Variants in FMO2 observed in about 807,000 individuals in gnomAD.
FMO2 encodes the protein flavin-containing monooxygenase 2.
Under a neutral mutation model 41.6 loss-of-function variants are expected in FMO2, and 33 were observed. The ratio of observed to expected loss-of-function variants is 0.79; its 90% CI spans 0.60 to 1.06. The LOEUF (loss-of-function observed/expected upper bound fraction) is 1.06. FMO2 is among the 50% of genes least tolerant of loss of function. The probability of loss-of-function intolerance (pLI) is 0.00; values close to 1 mark genes in which losing one functional copy is unlikely to be tolerated. For missense variants in FMO2, 619 were observed against 632.9 expected (o/e 0.98, Z 0.23); for synonymous variants, 214 against 219.6 (o/e 0.97, Z 0.23).
intron 3 of FMO2, among the ~76,000 whole-genome samples, chr1:171,196,383 C>G (rs561784063): frequency 1.2e-4 from 18 of 152,316 alleles, no homozygotes; most frequent in African/African-American, 4.3e-4. Context: ...ATCAGGCACA[C>G]ATCATGAGAA....
chr1:171,200,512 A>G (rs1168331564), intron 5 of FMO2, among the ~76,000 whole-genome samples: 1 of 152,116 alleles, frequency 6.6e-6, no homozygotes, highest in Admixed American at 6.6e-5. Flanking sequence ...GTGCACAACC[A>G]ACAAATCATT....
At position 171,199,499 on chromosome 1, in the gene FMO2, C is replaced by A; in HGVS notation, c.627+11C>A. 1 of 1,589,098 alleles carries A rather than the reference C, an allele frequency of 6.3e-7. No homozygotes were observed. Among genetic ancestry groups the A allele is most frequent in the East Asian group, 2.3e-5 (1 of 43,198 alleles). ...AAGAATGCTGCTCAGGTGTGATGCT[C>A]TCTGCTTACCATGTACCTGGAGGGG... On this transcript the variant is annotated intron_variant, in intron 5 of 8. Transcript: ENST00000209929.
chr1:171,199,489 G>T lies in FMO2; in HGVS notation c.627+1G>T. The T allele has an allele frequency of 6.2e-7, 1 of 1,604,522 alleles. No individual in the cohort carries two copies. Among genetic ancestry groups the T allele is most frequent in the Non-Finnish European group, 8.5e-7 (1 of 1,176,096 alleles). ...TGAGCTGAGTAAGAATGCTGCTCAG[G>T]TGTGATGCTCTCTGCTTACCATGTA... On this transcript the variant is annotated splice_donor_variant, in intron 5 of 8. Coordinates refer to ENST00000209929, the MANE Select transcript of FMO2 (RefSeq NM_001460.5). LOFTEE classifies it high-confidence loss of function.
At position 171,203,258 on chromosome 1, in the gene FMO2, G is replaced by A. The variant is rs185740744; in HGVS notation, c.628-607G>A. Reference sequence around the variant, plus strand: ...GAGGATCACTTGAGCCTGGGAGGTCGAGACTGCAATGAGCTATGACTGCAC... The same window carrying A: ...GAGGATCACTTGAGCCTGGGAGGTCAAGACTGCAATGAGCTATGACTGCAC... On this transcript the variant is annotated intron_variant, in intron 5 of 8. Coordinates refer to ENST00000209929, the MANE Select transcript of FMO2 (RefSeq NM_001460.5). 1.2e-3 allele frequency among the ~76,000 whole-genome samples: 187 copies of A among 151,882 alleles called. 1 individual carries two copies. The Middle Eastern group carries it at 0.031, about 25-fold the overall frequency.
At chr1:171,188,869 T>A (rs28369818) in intron 2 of FMO2, 10,918 of 152,200 alleles carry the variant, frequency 0.072, 440 homozygotes, top group Middle Eastern at 0.13. Flanking sequence ...ATATGGACCA[T>A]GGGACGGGTA....
chr1:171,205,557 T>C lies in FMO2; in HGVS notation c.1106T>C (p.Ile369Thr). 6.2e-7 allele frequency: 1 copy of C among 1,613,878 alleles called. No individual in the cohort carries two copies. Among genetic ancestry groups the C allele is most frequent in the South Asian group, 1.1e-5 (1 of 91,068 alleles). ...CTGGACAAGTCAACCCTCGCGTGCA[T>C]TGGTCTCATCCAGCCCCTAGGTTCC... ...AHLDKSTLAC[I>T]GLIQPLGSIF... is the part of the protein sequence containing the mutation. Residue 369 changes from isoleucine to threonine, a missense_variant, in exon 7 of 9, where the codon ATT becomes ACT. Physicochemically the swap from Ile to Thr is moderately conservative, Grantham distance 89 (BLOSUM62 -1). Coordinates refer to ENST00000209929, the MANE Select transcript of FMO2 (RefSeq NM_001460.5).
intron 2 of FMO2, among the ~76,000 whole-genome samples, chr1:171,190,873 C>A (rs369562899): frequency 6.6e-6 from 1 of 152,128 alleles, no homozygotes; most frequent in African/African-American, 2.4e-5. Context: ...TGGCTGGGCG[C>A]GGTGGCTCAC....
chr1:171,193,427 T>C lies in FMO2; in HGVS notation c.225T>C (p.Pro75=). 1 of 1,612,010 alleles carries C rather than the reference T, an allele frequency of 6.2e-7. No individual in the cohort carries two copies. The highest frequency in any genetic ancestry group is 8.5e-7 in the Non-Finnish European group (1 of 1,178,200). Reference sequence around the variant, plus strand: ...CCTGTTTCAGTGACTTTCCAATGCCTGAAGATTTTCCAAACTTCCTGCATA... The same window carrying C: ...CCTGTTTCAGTGACTTTCCAATGCCCGAAGATTTTCCAAACTTCCTGCATA... ...EMSCFSDFPM[P]EDFPNFLHNS... Residue 75 remains proline, a synonymous_variant, in exon 3 of 9, where the codon CCT becomes CCC. Transcript: ENST00000209929.
Position 171,211,711 on chromosome 1 carries a change from A to G in FMO2, c.*2566A>G, listed in dbSNP as rs1359930311. Among the ~76,000 whole-genome samples the G allele has an allele frequency of 6.6e-6, 1 of 152,192 alleles. No homozygotes were observed. The highest frequency in any genetic ancestry group is 2.4e-5 in the African/African-American group (1 of 41,450). ...TCAGTCTATCCTTCTGCCTCCATATATCCTGAACATCAAACTATCCCAGGA... is the reference window on the plus strand; with the variant it reads ...TCAGTCTATCCTTCTGCCTCCATATGTCCTGAACATCAAACTATCCCAGGA... On this transcript the variant is annotated 3_prime_UTR_variant, in exon 9 of 9. Coordinates refer to ENST00000209929, the MANE Select transcript of FMO2 (RefSeq NM_001460.5).
Position 171,189,209 on chromosome 1 carries a change from T to C in FMO2, c.132+3364T>C, listed in dbSNP as rs1460302585. Among the ~76,000 whole-genome samples, 8 of 129,954 alleles carry C rather than the reference T, an allele frequency of 6.2e-5. No homozygotes were observed. In the East Asian group the frequency reaches 2.3e-3, roughly 37 times the overall value. 85.3% of individuals were successfully genotyped at this position (129,954 alleles called of 152,430 possible). On this transcript the variant is annotated intron_variant, in intron 2 of 8. Transcript: ENST00000209929. ...TTGTATTCACGTGGGAGTTACCATGTACATTTTTTTTCCTGTGGGTTTTCT... is the reference window on the plus strand; with the variant it reads ...TTGTATTCACGTGGGAGTTACCATGCACATTTTTTTTCCTGTGGGTTTTCT...
intron 5 of FMO2, among the ~76,000 whole-genome samples, chr1:171,202,964 A>G (rs1269768679): frequency 6.6e-6 from 1 of 152,174 alleles, no homozygotes; most frequent in African/African-American, 2.4e-5. Flanking sequence ...ATCTTAATAA[A>G]CAAGGTAAAG....
At chr1:171,194,414 A>AT (rs1307189730) in intron 3 of FMO2, among the ~76,000 whole-genome samples, 2 of 152,202 alleles carry the variant, frequency 1.3e-5, no homozygotes, top group Admixed American at 1.3e-4. Context: ...ATTTTTATCA[A>AT]TGGTCTATAC....
In FMO2 at chr1:171,209,657, G is replaced by C. The variant is rs1380384786; in HGVS notation, c.*512G>C. On this transcript the variant is annotated 3_prime_UTR_variant, in exon 9 of 9. Transcript: ENST00000209929. ...AAACTACTAGACAAAAAAGTGAGAGGATAGATTTAGAAAACATCAGTGATG... is the reference window on the plus strand; with the variant it reads ...AAACTACTAGACAAAAAAGTGAGAGCATAGATTTAGAAAACATCAGTGATG... 1.3e-5 allele frequency: 2 copies of C among 152,126 alleles called. No homozygotes were observed. Among genetic ancestry groups the C allele is most frequent in the Non-Finnish European group, 2.9e-5 (2 of 68,066 alleles). The allele number at this position is 152,126 out of a possible 1,614,324, so 9.4% of individuals were successfully genotyped here. A position where few individuals can be genotyped will look rare whatever the true frequency, so the allele number is the denominator to read the frequency against.
At chr1:171,203,796 CCTT>C (rs2102008524) in intron 5 of FMO2, 66 bp from the exon 6 acceptor site, 1 of 1,335,216 alleles carries the variant, frequency 7.5e-7, no homozygotes, top group Admixed American at 1.8e-5. Flanking sequence ...TGATACATGA[CCTT>C]CATAGTAGAT....
At chr1:171,207,449 G>C in intron 7 of FMO2, 1 of 340,374 alleles carries the variant, frequency 2.9e-6, no homozygotes, top group East Asian at 4.9e-5. Context: ...CAAACCACTA[G>C]TCATGGCTGC....
chr1:171,193,176 T>G (rs1291705008), intron 2 of FMO2, among the ~76,000 whole-genome samples, 159 bp from the exon 3 acceptor site: 1 of 152,182 alleles, frequency 6.6e-6, no homozygotes, highest in Non-Finnish European at 1.5e-5. Flanking sequence ...CACAGAATGA[T>G]TGATGGAACA....
chr1:171,206,281 GA>G (rs1317733240), intron 7 of FMO2, among the ~76,000 whole-genome samples: 1 of 152,172 alleles, frequency 6.6e-6, no homozygotes, highest in African/African-American at 2.4e-5. Context: ...GGGAAGGAGA[GA>G]AAGGGCACTT....
At chr1:171,188,074 A>T in intron 2 of FMO2, among the ~76,000 whole-genome samples, 1 of 141,394 alleles carries the variant, frequency 7.1e-6, no homozygotes, top group Non-Finnish European at 1.5e-5. Context: ...TAGATTCTTA[A>T]CCTAAACAAG....
At chr1:171,207,872 T>C in intron 8 of FMO2, 82 bp downstream of exon 8, 2 of 905,220 alleles carry the variant, frequency 2.2e-6, no homozygotes, top group South Asian at 1.5e-5. Flanking sequence ...ACCACCTAGC[T>C]GCCTGATAAA....
Sources: gnomAD v4.1 joint callset for allele counts (sites outside exome capture counted in the v4.1 genomes callset) on GRCh38, gnomAD v4.1.1 for gene constraint, MANE v1.5 for transcripts, NCBI Gene and HGNC (gene_info 2026-07-23, HGNC 2026-07-21) for gene names.